NCOR1: variants seen among roughly 807,000 people sequenced by gnomAD.
NCOR1 encodes protein phosphatase 1, regulatory subunit 109.
A neutral mutation model predicts 288.1 loss-of-function variants in NCOR1; 63 were observed. The observed-to-expected ratio is 0.22, with a 90% CI of 0.18 to 0.27. NCOR1 has a LOEUF of 0.27. NCOR1 is among the 10% of genes least tolerant of loss of function. The pLI, the probability that NCOR1 is intolerant of heterozygous loss-of-function variation, is 1.00. For synonymous variants in NCOR1, 1,007 were observed against 1,065.9 expected (o/e 0.94, Z 1.08); for missense variants, 2,397 against 3,019.2 (o/e 0.79, Z 4.83).
chr17:16,101,641 A>C lies in NCOR1; in HGVS notation c.2299T>G (p.Leu767Val). 6.2e-7 allele frequency: 1 copy of C among 1,614,162 alleles called. No individual in the cohort carries two copies. The highest frequency in any genetic ancestry group is 8.5e-7 in the Non-Finnish European group (1 of 1,180,028). Reference protein sequence around the residue: ...TETAPSTSPSLAVPSTKPAED... With the variant: ...TETAPSTSPSVAVPSTKPAED... ...GCTGGTTTTGTACTTGGAACTGCTA[A>C]GGAGGGAGATGTACTGGGTGCAGTT... The change falls in exon 20 of 46, where the codon TTA becomes GTA. Residue 767 changes from leucine to valine, a missense_variant. This residue lies in a region of NCOR1 where 1,872 missense variants were observed against 2,187.8 expected (regional missense o/e 0.86). Transcript: ENST00000268712.
chr17:16,176,847 T>C lies in NCOR1; in HGVS notation c.243-4852A>G, dbSNP rs2084303598. Among the ~76,000 whole-genome samples, 4 of 152,132 alleles carry C rather than the reference T, an allele frequency of 2.6e-5. No homozygotes were observed. In the South Asian group the frequency reaches 8.3e-4, roughly 32 times the overall value. Reference sequence around the variant, plus strand: ...TTAATTCCTCAACCATGATCTGTCTTGGTATGGATCATTCTTTCTGTATAA... The same window carrying C: ...TTAATTCCTCAACCATGATCTGTCTCGGTATGGATCATTCTTTCTGTATAA... On this transcript the variant is annotated intron_variant, in intron 3 of 45. Coordinates refer to ENST00000268712, the MANE Select transcript of NCOR1 (RefSeq NM_006311.4).
chr17:16,095,524 T>C (rs2066351341), intron 21 of NCOR1, among the ~76,000 whole-genome samples: 1 of 119,134 alleles, frequency 8.4e-6, no homozygotes, highest in African/African-American at 3.3e-5. Flanking sequence ...AGCCGCCCCA[T>C]CCGGGAGGGA....
intron 14 of NCOR1, among the ~76,000 whole-genome samples, chr17:16,129,660 G>A (rs1224988828): frequency 1.3e-5 from 2 of 152,184 alleles, no homozygotes; most frequent in Non-Finnish European, 2.9e-5. Context: ...AACCAATGTA[G>A]CATCCATGTG....
At chr17:16,070,104 T>G (rs918813265) in intron 31 of NCOR1, 61 bp downstream of exon 31, 4 of 192,634 alleles carry the variant, frequency 2.1e-5, no homozygotes, top group Non-Finnish European at 3.6e-5. Context: ...TTGACAAAGG[T>G]TTTTTTTTTT....
At chr17:16,178,811 A>G (rs1489971705) in intron 3 of NCOR1, among the ~76,000 whole-genome samples, 2 of 152,206 alleles carry the variant, frequency 1.3e-5, no homozygotes, top group Non-Finnish European at 2.9e-5. Flanking sequence ...AATGTATTAT[A>G]TAATAATTTT....
intron 11 of NCOR1, among the ~76,000 whole-genome samples, chr17:16,139,593 G>T (rs534716958): frequency 6.6e-6 from 1 of 151,958 alleles, no homozygotes; most frequent in Admixed American, 6.6e-5. Context: ...AACTTTTACC[G>T]TCATATTACA....
rs766823981 is a variant in NCOR1, at chr17:16,098,523, A to G, written c.2691-27T>C. ...TGCAATTGCAATTTAAAAAAAAGAT[A>G]AATGAATACATTTTTAAGACTCAAA... On this transcript the variant is annotated intron_variant, in intron 20 of 45. Transcript: ENST00000268712. 1.3e-5 allele frequency: 20 copies of G among 1,589,420 alleles called. No homozygotes were observed. The African/African-American group carries it at 2.4e-4, about 19-fold the overall frequency.
At chr17:16,087,940 G>A (rs539071655) in intron 22 of NCOR1, among the ~76,000 whole-genome samples, 5 of 152,140 alleles carry the variant, frequency 3.3e-5, no homozygotes, top group Admixed American at 6.5e-5. Context: ...TAAAGGGCAC[G>A]CCAGAAATGC....
At position 16,057,596 on chromosome 17, in the gene NCOR1, C is replaced by T. The variant is rs776220711; in HGVS notation, c.6310G>A (p.Glu2104Lys). ...TGATGGACAGACTGAGCCTGGGATTCTGGGCTGTAACGGTTTGATGTTTTA... is the reference window on the plus strand; with the variant it reads ...TGATGGACAGACTGAGCCTGGGATTTTGGGCTGTAACGGTTTGATGTTTTA... ...RTKTSNRYSP[E>K]SQAQSVHHQR... Residue 2104 changes from glutamate (E) to lysine (K), a missense_variant, in exon 40 of 46, where the codon GAA becomes AAA. Transcript: ENST00000268712. 9 of 1,613,994 alleles carry T rather than the reference C, an allele frequency of 5.6e-6. No homozygotes were observed. Among genetic ancestry groups the T allele is most frequent in the Non-Finnish European group, 2.5e-6 (3 of 1,180,030 alleles).
rs772257364 is a variant in NCOR1 at position 16,126,133 on chromosome 17, TTTTTTTCTG to T, written c.1574_1582del (p.Thr525_Lys527del). 7 of 1,550,654 alleles carry T rather than the reference TTTTTTTCTG, an allele frequency of 4.5e-6. No individual in the cohort carries two copies. The Admixed American group carries it at 1.1e-4, about 25-fold the overall frequency. The stretch of plus-strand genomic sequence containing the variant: ...CTCTTCATCTTTCTTTTCTTCTTCT[TTTTTTTCTG>T]TTTTTTCTGCTTTATCCTCTTCTTT... On this transcript the variant is annotated inframe_deletion, in exon 15 of 46. Transcript: ENST00000268712.
intron 26 of NCOR1, among the ~76,000 whole-genome samples, chr17:16,077,905 C>A (rs1468544468): frequency 6.6e-6 from 1 of 152,140 alleles, no homozygotes; most frequent in East Asian, 1.9e-4. Context: ...TAGAGTACTA[C>A]AACTTTTTCT....
chr17:16,080,865 GT>G, intron 23 of NCOR1, 138 bp from the exon 24 acceptor site: 1 of 858,466 alleles, frequency 1.2e-6, no homozygotes, highest in Non-Finnish European at 1.7e-6. Context: ...ACCAAGAATA[GT>G]TTTTGTAAAG....
chr17:16,095,297 C>T (rs1281041463), intron 21 of NCOR1, among the ~76,000 whole-genome samples: 4 of 149,932 alleles, frequency 2.7e-5, no homozygotes, highest in Non-Finnish European at 6.0e-5. Context: ...CCCGGCCGCC[C>T]CGTCTGAGAA....
chr17:16,146,661 CT>C, intron 9 of NCOR1, 113 bp from the exon 10 acceptor site: 1 of 975,536 alleles, frequency 1.0e-6, no homozygotes. Flanking sequence ...GTACATTTGG[CT>C]TATGACTCAA....
At chr17:16,140,743 C>T (rs760243304) in intron 11 of NCOR1, among the ~76,000 whole-genome samples, 10 of 151,982 alleles carry the variant, frequency 6.6e-5, no homozygotes, top group South Asian at 2.1e-4. Flanking sequence ...GAACCTGGGA[C>T]GCGGAGGTTG....
rs1201903399 is a variant in NCOR1, at chr17:16,035,646, C to G, written c.6956-702G>C. 4.0e-5 allele frequency among the ~76,000 whole-genome samples: 6 copies of G among 151,344 alleles called. No individual in the cohort carries two copies. The East Asian group carries it at 1.2e-3, about 29-fold the overall frequency. ...AAAGCCTCAACTTCTTGGGCTCAAG[C>G]AATCCTCCCACCTCAGACCCAAGTA... On this transcript the variant is annotated intron_variant, in intron 44 of 45. Transcript: ENST00000268712.
rs1162344281 is a variant in NCOR1 at position 16,106,854 on chromosome 17, C to CATATAT, written c.2182+1926_2182+1931dup. On this transcript the variant is annotated intron_variant, in intron 19 of 45. Coordinates refer to ENST00000268712, the MANE Select transcript of NCOR1 (RefSeq NM_006311.4). The stretch of plus-strand genomic sequence containing the variant: ...TGGTGCCACCCTACACTTGATCAGA[C>CATATAT]ATATATATATATATATATATATATA... Among the ~76,000 whole-genome samples the CATATAT allele has an allele frequency of 3.1e-3, 141 of 46,142 alleles. 1 individual carries two copies. Among genetic ancestry groups the CATATAT allele is most frequent in the Middle Eastern group, 0.019 (1 of 54 alleles). The allele number at this position is 46,142 out of a possible 152,430, so 30.3% of individuals were successfully genotyped here.
intron 1 of NCOR1, among the ~76,000 whole-genome samples, chr17:16,201,993 G>C (rs2090876273): frequency 6.6e-6 from 1 of 152,182 alleles, no homozygotes; most frequent in Admixed American, 6.6e-5. Flanking sequence ...TTGGGAGGCT[G>C]AGGCAGGAGG....
intron 26 of NCOR1, 103 bp downstream of exon 26, chr17:16,079,861 G>A: frequency 1.1e-6 from 1 of 905,132 alleles, no homozygotes; most frequent in Non-Finnish European, 1.8e-6. Context: ...GTCCCATAAT[G>A]CAGAAAAATG....
Sources: gnomAD v4.1 joint callset for allele counts (sites outside exome capture counted in the v4.1 genomes callset) on GRCh38, gnomAD v4.1.1 for gene constraint, gnomAD v4.1.1 regional missense constraint, MANE v1.5 for transcripts, NCBI Gene and HGNC (gene_info 2026-07-23, HGNC 2026-07-21) for gene names.